The following QKI variants were observed in gnomAD, a reference collection of about 807,000 sequenced individuals.
The protein encoded by QKI is QKI, KH domain containing RNA binding.
In QKI, 10 loss-of-function variants were observed where a neutral mutation model predicts 39.0. The ratio of observed to expected loss-of-function variants is 0.26; its 90% CI spans 0.16 to 0.43. The LOEUF (loss-of-function observed/expected upper bound fraction) is 0.43, where lower values mean the gene tolerates loss of function less well. Ranked by LOEUF, QKI falls within the 20% of genes least tolerant of loss-of-function variation. The pLI is 1.00. For missense variants in QKI, 218 were observed against 428.0 expected (o/e 0.51, Z 4.33); for synonymous variants, 204 against 155.4 (o/e 1.31, Z -2.33).
intron 4 of QKI, among the ~76,000 whole-genome samples, chr6:163,548,164 A>G (rs989275097): frequency 7.7e-5 from 8 of 104,422 alleles, no homozygotes; most frequent in Admixed American, 2.4e-4. Context: ...GAATTATTAG[A>G]ACTGAATGTT....
At chr6:163,570,624 G>A (rs1783648737) in intron 7 of QKI, 70 bp from the exon 8 acceptor site, 2 of 1,591,384 alleles carry the variant, frequency 1.3e-6, no homozygotes, top group South Asian at 1.1e-5. Context: ...GTCACTAGCT[G>A]AAACTAATCT....
At chr6:163,502,103 G>C (rs1325623603) in intron 3 of QKI, among the ~76,000 whole-genome samples, 1 of 151,974 alleles carries the variant, frequency 6.6e-6, no homozygotes, top group Non-Finnish European at 1.5e-5. Context: ...TGGGTGGATC[G>C]CTTGAGCTCA....
At position 163,415,197 on chromosome 6, in the gene QKI, G is replaced by T; in HGVS notation, c.4G>T (p.Val2Phe). ...AGTGAGCTGCGGAGCCTGGAATATG[G>T]TCGGGGAAATGGAAACGAAGGAGAA... M[V>F]GEMETKEKPK... The change falls in exon 1 of 8, where the codon GTC (valine) becomes TTC (phenylalanine). Residue 2 changes from valine to phenylalanine, a missense_variant. Around this residue, in one of 3 missense-constraint regions of QKI, gnomAD observed 40 missense variants for 48.7 expected, o/e 0.82. Coordinates refer to ENST00000361752, the MANE Select transcript of QKI (RefSeq NM_006775.3). 6.3e-7 allele frequency: 1 copy of T among 1,575,736 alleles called. No homozygotes were observed. The highest frequency in any genetic ancestry group is 8.6e-7 in the Non-Finnish European group (1 of 1,157,214).
In QKI at chr6:163,568,331, C is replaced by T. The variant is rs191786810; in HGVS notation, c.1009+1536C>T. ...TTTGCTTTAACACAATAATTATTGG[C>T]CTACTTAATACTCCAGTGCCTTGAG... is the stretch of plus-strand genomic sequence containing the variant. On this transcript the variant is annotated intron_variant, in intron 7 of 7. Transcript: ENST00000361752. The T allele has an allele frequency of 3.0e-6, 3 of 985,230 alleles. No homozygotes were observed. The African/African-American group carries it at 5.2e-5, about 17-fold the overall frequency. 61.0% of individuals were successfully genotyped at this position (985,230 alleles called of 1,614,324 possible).
chr6:163,571,778 G>T lies in QKI; in HGVS notation c.*1068G>T, dbSNP rs541067529. On this transcript the variant is annotated 3_prime_UTR_variant, in exon 8 of 8. Coordinates refer to ENST00000361752, the MANE Select transcript of QKI (RefSeq NM_006775.3). ...TTTCATTAAATGATTTTTTCTGGTG[G>T]TTGTCAAGAAACAAAAGACCAAAAG... 2 of 151,528 alleles carry T rather than the reference G, an allele frequency of 1.3e-5. No individual in the cohort carries two copies. The highest frequency in any genetic ancestry group is 4.2e-4 in the South Asian group (2 of 4,812). 9.4% of individuals were successfully genotyped at this position (151,528 alleles called of 1,614,324 possible).
intron 3 of QKI, among the ~76,000 whole-genome samples, chr6:163,484,516 T>C (rs1469989260): frequency 6.6e-6 from 1 of 152,158 alleles, no homozygotes; most frequent in Non-Finnish European, 1.5e-5. Flanking sequence ...AGCATAATTT[T>C]TAAGGGCCCT....
chr6:163,542,483 A>G (rs964915031), intron 4 of QKI, among the ~76,000 whole-genome samples: 1 of 152,032 alleles, frequency 6.6e-6, no homozygotes, highest in Non-Finnish European at 1.5e-5. Flanking sequence ...CACAGTTTTA[A>G]TAGGAAGTGG....
intron 2 of QKI, among the ~76,000 whole-genome samples, chr6:163,466,784 T>C (rs1352981399): frequency 6.6e-6 from 1 of 152,050 alleles, no homozygotes; most frequent in Non-Finnish European, 1.5e-5. Context: ...GAAAAAACAC[T>C]GAATTATAAA....
At chr6:163,518,339 A>T (rs551863096) in intron 3 of QKI, among the ~76,000 whole-genome samples, 2 of 152,170 alleles carry the variant, frequency 1.3e-5, no homozygotes, top group African/African-American at 2.4e-5. Context: ...GATACAATCA[A>T]TGCCTGCCCT....
intron 3 of QKI, among the ~76,000 whole-genome samples, chr6:163,523,454 A>G (rs1780282270): frequency 6.6e-6 from 1 of 152,214 alleles, no homozygotes; most frequent in African/African-American, 2.4e-5. Flanking sequence ...ACTATATGCA[A>G]AACATTTTGG....
intron 5 of QKI, among the ~76,000 whole-genome samples, chr6:163,562,280 T>G (rs1005880079): frequency 2.0e-5 from 3 of 152,210 alleles, no homozygotes; most frequent in Non-Finnish European, 4.4e-5. Flanking sequence ...ATGTTGAAGT[T>G]TTAGGTTGAT....
intron 3 of QKI, among the ~76,000 whole-genome samples, chr6:163,482,355 C>T (rs952533462): frequency 6.6e-6 from 1 of 152,042 alleles, no homozygotes. Context: ...CACTTGTGAC[C>T]CCAGATGTTG....
chr6:163,440,284 T>C lies in QKI; in HGVS notation c.143-14995T>C, dbSNP rs146554741. Among the ~76,000 whole-genome samples, 3 of 152,346 alleles carry C rather than the reference T, an allele frequency of 2.0e-5. No individual in the cohort carries two copies. The East Asian group carries it at 5.8e-4, about 29-fold the overall frequency. On this transcript the variant is annotated intron_variant, in intron 1 of 7. Coordinates refer to ENST00000361752, the MANE Select transcript of QKI (RefSeq NM_006775.3). ...AGGCCAAATGGTATGAGTAAAAGAA[T>C]ACAGCTTTTGGAGTCAGCTAGATTT...
At position 163,539,255 on chromosome 6, in the gene QKI, G is replaced by A. The variant is rs535183642; in HGVS notation, c.546+4130G>A. On this transcript the variant is annotated intron_variant, in intron 4 of 7. Transcript: ENST00000361752. Reference sequence around the variant, plus strand: ...GCTTAGACCTTTTAGGTAGGAAGAGGAAATCATCAGCCATTGGATTTGGCA... The same window carrying A: ...GCTTAGACCTTTTAGGTAGGAAGAGAAAATCATCAGCCATTGGATTTGGCA... 2.2e-3 allele frequency among the ~76,000 whole-genome samples: 337 copies of A among 152,212 alleles called. 1 individual carries two copies. Among genetic ancestry groups the A allele is most frequent in the Non-Finnish European group, 3.7e-3 (250 of 68,014 alleles).
intron 2 of QKI, among the ~76,000 whole-genome samples, chr6:163,477,552 C>T (rs1792716785): frequency 6.6e-6 from 1 of 151,934 alleles, no homozygotes; most frequent in African/African-American, 2.4e-5. Context: ...AAGCACTGGG[C>T]AAAGATAAGG....
chr6:163,494,454 TG>T (rs1276110566), intron 3 of QKI, among the ~76,000 whole-genome samples: 10 of 152,242 alleles, frequency 6.6e-5, no homozygotes, highest in Non-Finnish European at 1.0e-4. Flanking sequence ...GAAACTTATG[TG>T]TAACCCTCAA....
intron 4 of QKI, among the ~76,000 whole-genome samples, chr6:163,554,836 A>G (rs1294790846): frequency 2.0e-5 from 3 of 152,222 alleles, no homozygotes; most frequent in Admixed American, 6.5e-5. Flanking sequence ...TGCCTGGACA[A>G]TGTTAAAGCT....
rs1783693547 is a variant in QKI at position 163,571,446 on chromosome 6, AAAT to A, written c.*738_*740del. 6.6e-6 allele frequency: 1 copy of A among 152,236 alleles called. No individual in the cohort carries two copies. Among genetic ancestry groups the A allele is most frequent in the African/African-American group, 2.4e-5 (1 of 41,460 alleles). 9.4% of individuals were successfully genotyped at this position (152,236 alleles called of 1,614,324 possible). On this transcript the variant is annotated 3_prime_UTR_variant, in exon 8 of 8. Coordinates refer to ENST00000361752, the MANE Select transcript of QKI (RefSeq NM_006775.3). ...CTGAATCTTTATTTTACACCTAAAA[AAAT>A]ATGAGAACAAGGTACATGCATTATG...
At chr6:163,468,892 G>T (rs1791975411) in intron 2 of QKI, among the ~76,000 whole-genome samples, 1 of 151,900 alleles carries the variant, frequency 6.6e-6, no homozygotes, top group African/African-American at 2.4e-5. Flanking sequence ...AGTAGACAAA[G>T]CAGCTGCTGT....
Sources: gnomAD v4.1 joint callset for allele counts (sites outside exome capture counted in the v4.1 genomes callset) on GRCh38, gnomAD v4.1.1 for gene constraint, gnomAD v4.1.1 regional missense constraint, MANE v1.5 for transcripts, NCBI Gene and HGNC (gene_info 2026-07-23, HGNC 2026-07-21) for gene names.